The following UGT1A5 variants were observed in gnomAD, a reference collection of about 807,000 sequenced individuals.
UGT1A5 encodes UDP glucuronosyltransferase family 1 member A5, also known as UDP-glucuronosyltransferase 1A5.
Under a neutral mutation model 40.3 loss-of-function variants are expected in UGT1A5, and 29 were observed. That is an observed-to-expected ratio of 0.72 (90% confidence interval 0.54 to 0.98). UGT1A5 has a LOEUF of 0.98. UGT1A5 is among the 50% of genes least tolerant of loss of function. The pLI is 0.00. For synonymous variants in UGT1A5, 257 were observed against 262.5 expected (o/e 0.98, Z 0.20); for missense variants, 678 against 677.9 (o/e 1.00, Z 0.00).
In UGT1A5 at chr2:233,755,078, G is replaced by C. The variant is rs756759474; in HGVS notation, c.868-11956G>C. On this transcript the variant is annotated intron_variant, in intron 1 of 4. Coordinates refer to ENST00000373414, the MANE Select transcript of UGT1A5 (RefSeq NM_019078.2). ...CCCTCGCCTCGCCATAGCGGTCATAGATATCGCGTTTCTACGCGTCCGACA... is the reference window on the plus strand; with the variant it reads ...CCCTCGCCTCGCCATAGCGGTCATACATATCGCGTTTCTACGCGTCCGACA... The C allele has an allele frequency of 6.7e-6, 9 of 1,336,426 alleles. No homozygotes were observed. In the East Asian group the frequency reaches 2.3e-4, roughly 34 times the overall value. The allele number at this position is 1,336,426 out of a possible 1,614,324, so 82.8% of individuals were successfully genotyped here.
At position 233,764,478 on chromosome 2, in the gene UGT1A5, C is replaced by T. The variant is rs370150887; in HGVS notation, c.868-2556C>T. ...TTCGTGATCTCCTGCTATTTAACTT[C>T]GAATGTTTATGGACCTGTGGGTTCA... On this transcript the variant is annotated intron_variant, in intron 1 of 4. Transcript: ENST00000373414. 3.4e-4 allele frequency among the ~76,000 whole-genome samples: 51 copies of T among 152,200 alleles called. 2 individuals are homozygous for T. Among genetic ancestry groups the T allele is most frequent in the East Asian group, 3.1e-3 (16 of 5,174 alleles).
chr2:233,755,086 G>A (rs1190713460), intron 1 of UGT1A5: 3 of 1,335,468 alleles, frequency 2.2e-6, no homozygotes, highest in Non-Finnish European at 3.0e-6. Flanking sequence ...TAGATATCGC[G>A]TTTCTACGCG....
chr2:233,749,412 T>C lies in UGT1A5; in HGVS notation c.868-17622T>C, dbSNP rs1409999979. 3.9e-5 allele frequency among the ~76,000 whole-genome samples: 6 copies of C among 151,952 alleles called. No individual in the cohort carries two copies. The East Asian group carries it at 1.2e-3, about 29-fold the overall frequency. On this transcript the variant is annotated intron_variant, in intron 1 of 4. Transcript: ENST00000373414. ...TGTGAACATATTCTCTAGTGTTAACTACATTGCTCAAAACTTCACTGTCAT... is the reference window on the plus strand; with the variant it reads ...TGTGAACATATTCTCTAGTGTTAACCACATTGCTCAAAACTTCACTGTCAT...
chr2:233,749,635 C>T lies in UGT1A5; in HGVS notation c.868-17399C>T, dbSNP rs755546951. ...CATGATTTGGCTCTGTATCCCCCAC[C>T]AAATCTCATCTTGAATTGTAATCCC... is the stretch of plus-strand genomic sequence containing the variant. On this transcript the variant is annotated intron_variant, in intron 1 of 4. Coordinates refer to ENST00000373414, the MANE Select transcript of UGT1A5 (RefSeq NM_019078.2). 1.1e-4 allele frequency among the ~76,000 whole-genome samples: 17 copies of T among 151,816 alleles called. 3 individuals are homozygous for T. Among genetic ancestry groups the T allele is most frequent in the Admixed American group, 3.3e-4 (5 of 15,276 alleles).
chr2:233,755,153 C>T, intron 1 of UGT1A5: 10 of 1,299,120 alleles, frequency 7.7e-6, no homozygotes, highest in Non-Finnish European at 1.0e-5. Flanking sequence ...CCGCTTCCTC[C>T]CTGTCCTCGG....
At position 233,759,527 on chromosome 2, in the gene UGT1A5, C is replaced by T. The variant is rs146278701; in HGVS notation, c.868-7507C>T. Among the ~76,000 whole-genome samples the T allele has an allele frequency of 6.8e-3, 1,028 of 152,228 alleles. 8 individuals are homozygous for T. Among genetic ancestry groups the T allele is most frequent in the Non-Finnish European group, 8.6e-3 (582 of 68,014 alleles). On this transcript the variant is annotated intron_variant, in intron 1 of 4. Coordinates refer to ENST00000373414, the MANE Select transcript of UGT1A5 (RefSeq NM_019078.2). Reference sequence around the variant, plus strand: ...AATAAAGGCCTGTCCTTGGGGAAGACTTCTGTTCACATGCGCTCCAGTGAA... The same window carrying T: ...AATAAAGGCCTGTCCTTGGGGAAGATTTCTGTTCACATGCGCTCCAGTGAA...
Position 233,713,385 on chromosome 2 carries a change from C to G in UGT1A5, c.394C>G (p.Leu132Val), listed in dbSNP as rs2076315367. 1.2e-6 allele frequency: 2 copies of G among 1,614,134 alleles called. No homozygotes were observed. Among genetic ancestry groups the G allele is most frequent in the African/African-American group, 1.3e-5 (1 of 75,016 alleles). The change falls in exon 1 of 5, where the codon CTG becomes GTG. Residue 132 changes from leucine (L) to valine (V), a missense_variant. Physicochemically the swap from Leu to Val is conservative, Grantham distance 32. Coordinates refer to ENST00000373414, the MANE Select transcript of UGT1A5 (RefSeq NM_019078.2). ...LIIHRSCVEL[L>V]HNEALIRHLH... ...CATACATAGGTCTTGTGTGGAGCTA[C>G]TGCATAATGAGGCCCTGATCAGGCA... is the stretch of plus-strand genomic sequence containing the variant.
intron 1 of UGT1A5, chr2:233,729,460 A>G: frequency 1.2e-6 from 2 of 1,614,116 alleles, no homozygotes; most frequent in Non-Finnish European, 1.7e-6. Flanking sequence ...GAAATTTTTC[A>G]GAAGTATGGC....
chr2:233,767,313 T>G, intron 2 of UGT1A5, 148 bp downstream of exon 2: 1 of 1,512,132 alleles, frequency 6.6e-7, no homozygotes, highest in Non-Finnish European at 8.8e-7. Flanking sequence ...AGGTTTTTTT[T>G]GTTGTTGTGG....
At chr2:233,767,824 G>A (rs201092075) in intron 2 of UGT1A5, 25 bp from the exon 3 acceptor site, 82 of 1,614,024 alleles carry the variant, frequency 5.1e-5, no homozygotes, top group East Asian at 2.7e-4. Flanking sequence ...CTTTCTTTAC[G>A]TTCTGCTCTT....
chr2:233,713,956 A>G, intron 1 of UGT1A5, 98 bp downstream of exon 1: 1 of 1,608,152 alleles, frequency 6.2e-7, no homozygotes. Context: ...TTATCTTTCC[A>G]AAGATTTCAT....
intron 1 of UGT1A5, chr2:233,750,495 G>C (rs1427890072): frequency 6.6e-6 from 1 of 151,984 alleles, no homozygotes; most frequent in African/African-American, 2.4e-5. Flanking sequence ...AAGTAAGGAG[G>C]AGCCAAATGT....
intron 1 of UGT1A5, chr2:233,718,705 T>C: frequency 1.9e-6 from 3 of 1,603,136 alleles, no homozygotes; most frequent in Non-Finnish European, 2.6e-6. Flanking sequence ...CACTTTGTCT[T>C]CCAATTACAT....
At position 233,772,362 on chromosome 2, in the gene UGT1A5, A is replaced by C. The variant is rs1400939614; in HGVS notation, c.1408A>C (p.Lys470Gln). 6.2e-7 allele frequency: 1 copy of C among 1,614,242 alleles called. No individual in the cohort carries two copies. The highest frequency in any genetic ancestry group is 2.2e-5 in the East Asian group (1 of 44,878). Reference sequence around the variant, plus strand: ...CTGGGTGGAGTTTGTGATGAGGCACAAGGGCGCGCCACACCTGCGCCCCGC... The same window carrying C: ...CTGGGTGGAGTTTGTGATGAGGCACCAGGGCGCGCCACACCTGCGCCCCGC... ...VFWVEFVMRH[K>Q]GAPHLRPAAH... The change falls in exon 5 of 5, where the codon AAG (lysine) becomes CAG (glutamine). Residue 470 changes from lysine to glutamine, a missense_variant. Physicochemically the swap from Lys to Gln is moderately conservative, Grantham distance 53. Coordinates refer to ENST00000373414, the MANE Select transcript of UGT1A5 (RefSeq NM_019078.2).
At chr2:233,728,672 A>G (rs543695455) in intron 1 of UGT1A5, among the ~76,000 whole-genome samples, 4 of 152,342 alleles carry the variant, frequency 2.6e-5, no homozygotes, top group Middle Eastern at 3.4e-3. Context: ...TTACTCATAC[A>G]TGAGAAGAAA....
intron 1 of UGT1A5, among the ~76,000 whole-genome samples, chr2:233,732,918 G>C (rs1288769205): frequency 6.6e-6 from 1 of 151,996 alleles, no homozygotes; most frequent in Non-Finnish European, 1.5e-5. Flanking sequence ...CCATTTTCAC[G>C]ATATTGATTC....
chr2:233,755,233 A>G (rs958383354), intron 1 of UGT1A5: 16 of 920,004 alleles, frequency 1.7e-5, no homozygotes, highest in Admixed American at 5.9e-5. Context: ...GACGAGGCCT[A>G]CCGGGGTACT....
chr2:233,746,870 G>C (rs544593514), intron 1 of UGT1A5, among the ~76,000 whole-genome samples: 1 of 151,786 alleles, frequency 6.6e-6, no homozygotes, highest in Admixed American at 6.5e-5. Context: ...CCTGATAAAC[G>C]TGGTTAACAG....
At chr2:233,729,139 C>G (rs527426104) in intron 1 of UGT1A5, 1 of 1,613,374 alleles carries the variant, frequency 6.2e-7, no homozygotes, top group Admixed American at 1.7e-5. Context: ...GGCCACAGGA[C>G]TCCAGGTTCC....
Sources: allele counts gnomAD v4.1 joint callset (sites outside exome capture counted in the v4.1 genomes callset), GRCh38; gene constraint gnomAD v4.1.1; transcripts MANE v1.5; gene names NCBI Gene and HGNC (gene_info 2026-07-23, HGNC 2026-07-21).